RHBDL3: variants seen among roughly 807,000 people sequenced by gnomAD.
The protein encoded by RHBDL3 is rhomboid-related protein 3.
Under a neutral mutation model 48.2 loss-of-function variants are expected in RHBDL3, and 28 were observed. That is an observed-to-expected ratio of 0.58 (90% CI 0.43 to 0.80). RHBDL3 has a LOEUF of 0.80. RHBDL3 is among the 30% of genes least tolerant of loss of function. The probability of loss-of-function intolerance (pLI) is 0.00; values close to 1 mark genes in which losing one functional copy is unlikely to be tolerated. For synonymous variants in RHBDL3, 208 were observed against 232.3 expected (o/e 0.90, Z 0.95); for missense variants, 464 against 542.7 (o/e 0.85, Z 1.44).
chr17:32,285,341 C>G (rs2040171836), intron 3 of RHBDL3, among the ~76,000 whole-genome samples: 1 of 152,060 alleles, frequency 6.6e-6, no homozygotes, highest in African/African-American at 2.4e-5. Context: ...GTCAGTTACG[C>G]CAAAATGAAG....
At chr17:32,269,319 A>G (rs1417936166) in intron 2 of RHBDL3, among the ~76,000 whole-genome samples, 1 of 152,182 alleles carries the variant, frequency 6.6e-6, no homozygotes, top group Non-Finnish European at 1.5e-5. Context: ...CTGCACTCCA[A>G]CCTGAGTGAC....
chr17:32,274,491 T>G (rs2039847978), intron 2 of RHBDL3, among the ~76,000 whole-genome samples: 1 of 152,226 alleles, frequency 6.6e-6, no homozygotes, highest in South Asian at 2.1e-4. Flanking sequence ...AAACATTGAA[T>G]GTCTAACTGC....
At chr17:32,267,655 G>GCGCCC in intron 1 of RHBDL3, 2 of 306,120 alleles carry the variant, frequency 6.5e-6, no homozygotes, top group Non-Finnish European at 1.1e-5. Flanking sequence ...CACCCACCTT[G>GCGCCC]CCGCCCCCGC....
In RHBDL3 at chr17:32,323,461, G is replaced by A. The variant is rs988251983; in HGVS notation, c.*2232G>A. 1.3e-5 allele frequency: 2 copies of A among 152,396 alleles called. No homozygotes were observed. Among genetic ancestry groups the A allele is most frequent in the Non-Finnish European group, 2.9e-5 (2 of 68,232 alleles). The allele number at this position is 152,396 out of a possible 1,614,324, so 9.4% of individuals were successfully genotyped here. A position where few individuals can be genotyped will look rare whatever the true frequency, so the allele number is the denominator to read the frequency against. On this transcript the variant is annotated 3_prime_UTR_variant, in exon 9 of 9. Coordinates refer to ENST00000269051, the MANE Select transcript of RHBDL3 (RefSeq NM_138328.3). ...AGCTGAGCGATGAGGTCCTTTCCTG[G>A]AGGGATGGAGAATCCCCTCCAGATT...
Position 32,266,282 on chromosome 17 carries a change from G to GC in RHBDL3, c.96dup (p.Ala33ArgfsTer12). The GC allele has an allele frequency of 6.8e-7, 1 of 1,466,450 alleles. No individual in the cohort carries two copies. The allele number at this position is 1,466,450 out of a possible 1,614,324, so 90.8% of individuals were successfully genotyped here. A position where few individuals can be genotyped will look rare whatever the true frequency, so the allele number is the denominator to read the frequency against. On this transcript the variant is annotated frameshift_variant, in exon 1 of 9. Transcript: ENST00000269051. LOFTEE classifies it high-confidence loss of function. ...TGGAACCCGAGGCCGAGGAGCGGCT[G>GC]CCCGCGGCGCCGGAGGACGTGAGTG...
rs148089007 is a variant in RHBDL3 at position 32,298,168 on chromosome 17, C to A, written c.745C>A (p.Arg249=). ...VPLEMVHGAT[R]IGLVYVAGVV... ...CCTGGAGATGGTGCATGGAGCCACC[C>A]GAATTGGGCTTGTCTACGTGGCCGG... Residue 249 remains arginine (R), a synonymous_variant, in exon 6 of 9, where the codon CGA becomes AGA. Transcript: ENST00000269051. The A allele has an allele frequency of 1.4e-3, 2,237 of 1,613,892 alleles. 11 individuals carry two copies. The highest frequency in any genetic ancestry group is 1.7e-3 in the Non-Finnish European group (1,964 of 1,179,834).
At chr17:32,291,846 A>T (rs1247324198) in intron 4 of RHBDL3, among the ~76,000 whole-genome samples, 1 of 141,106 alleles carries the variant, frequency 7.1e-6, no homozygotes, top group Non-Finnish European at 1.5e-5. Context: ...ATCTTGGCTC[A>T]CTGCAACCTC....
chr17:32,291,155 A>C (rs1226742937), intron 4 of RHBDL3, among the ~76,000 whole-genome samples: 1 of 150,926 alleles, frequency 6.6e-6, no homozygotes, highest in Admixed American at 6.6e-5. Flanking sequence ...CAACATGGTG[A>C]AACCCTGTCT....
intron 2 of RHBDL3, among the ~76,000 whole-genome samples, chr17:32,271,221 C>T (rs1035098223): frequency 1.3e-5 from 2 of 152,190 alleles, no homozygotes; most frequent in Non-Finnish European, 2.9e-5. Flanking sequence ...TCATATAACC[C>T]TGCACTCCAT....
intron 2 of RHBDL3, among the ~76,000 whole-genome samples, chr17:32,274,516 G>T (rs532339969): frequency 3.3e-5 from 5 of 152,296 alleles, no homozygotes; most frequent in Admixed American, 6.5e-5. Context: ...TTATAAATTT[G>T]TTGTCTCATT....
At chr17:32,301,069 A>ACGGGGTTTCACCGT (rs893734395) in intron 6 of RHBDL3, among the ~76,000 whole-genome samples, 6 of 151,888 alleles carry the variant, frequency 4.0e-5, no homozygotes, top group Non-Finnish European at 8.8e-5. Flanking sequence ...TTTAGTAGAG[A>ACGGGGTTTCACCGT]CGGGGTTTCA....
rs938251132 is a variant in RHBDL3, at chr17:32,324,385, A to G, written c.*3156A>G. 80 of 152,702 alleles carry G rather than the reference A, an allele frequency of 5.2e-4. No individual in the cohort carries two copies. Among genetic ancestry groups the G allele is most frequent in the African/African-American group, 1.8e-3 (74 of 41,542 alleles). 9.5% of individuals were successfully genotyped at this position (152,702 alleles called of 1,614,324 possible). A position where few individuals can be genotyped will look rare whatever the true frequency, so the allele number is the denominator to read the frequency against. ...CCCCCAGCGTCCAATTTAATTTGCA[A>G]ATACGTAATGCAGATTCCCTGGGTG... On this transcript the variant is annotated 3_prime_UTR_variant, in exon 9 of 9. Coordinates refer to ENST00000269051, the MANE Select transcript of RHBDL3 (RefSeq NM_138328.3).
chr17:32,267,769 C>G (rs2039671238), intron 1 of RHBDL3, 133 bp from the exon 2 acceptor site: 5 of 1,545,542 alleles, frequency 3.2e-6, no homozygotes, highest in Non-Finnish European at 4.4e-6. Context: ...AGTCCCTGAG[C>G]CTGGTCATGA....
intron 3 of RHBDL3, among the ~76,000 whole-genome samples, chr17:32,287,606 T>C (rs895476381): frequency 6.6e-6 from 1 of 152,050 alleles, no homozygotes; most frequent in Non-Finnish European, 1.5e-5. Context: ...TGAACCTAGA[T>C]CCTCCCCAGC....
chr17:32,320,369 C>T (rs1022068261), intron 8 of RHBDL3, among the ~76,000 whole-genome samples: 2 of 152,188 alleles, frequency 1.3e-5, no homozygotes, highest in African/African-American at 2.4e-5. Flanking sequence ...CTCTGTCGCC[C>T]CAGCTGCAGC....
chr17:32,288,702 C>A, intron 3 of RHBDL3, 90 bp from the exon 4 acceptor site: 1 of 895,562 alleles, frequency 1.1e-6, no homozygotes, highest in Non-Finnish European at 1.8e-6. Context: ...GGGGTCAGGC[C>A]TGGTGCAAGG....
At chr17:32,315,201 GGGCCTGGGCCA>G (rs2040942813) in intron 7 of RHBDL3, among the ~76,000 whole-genome samples, 1 of 152,218 alleles carries the variant, frequency 6.6e-6, no homozygotes, top group Admixed American at 6.5e-5. Flanking sequence ...CCCCCGAGCT[GGGCCTGGGCCA>G]GGCAGCAAAG....
At chr17:32,270,759 A>G (rs2039752979) in intron 2 of RHBDL3, among the ~76,000 whole-genome samples, 1 of 152,200 alleles carries the variant, frequency 6.6e-6, no homozygotes. Context: ...GGTATGTTCC[A>G]TGTGTTCATG....
intron 6 of RHBDL3, among the ~76,000 whole-genome samples, chr17:32,303,611 G>A (rs1220132649): frequency 6.6e-6 from 1 of 152,208 alleles, no homozygotes; most frequent in Admixed American, 6.5e-5. Flanking sequence ...AAGGGGAGGA[G>A]GACTTGGGAG....
Sources: allele counts gnomAD v4.1 joint callset (sites outside exome capture counted in the v4.1 genomes callset), GRCh38; gene constraint gnomAD v4.1.1; transcripts MANE v1.5; gene names NCBI Gene and HGNC (gene_info 2026-07-23, HGNC 2026-07-21).